The following CAMSAP2 variants were observed in gnomAD, a reference collection of about 807,000 sequenced individuals.
The protein encoded by CAMSAP2 is calmodulin-regulated spectrin-associated protein 2.
Under a neutral mutation model 146.1 loss-of-function variants are expected in CAMSAP2, and 26 were observed. The observed-to-expected ratio is 0.18, with a 90% CI of 0.13 to 0.25. The LOEUF (loss-of-function observed/expected upper bound fraction) is 0.25, where lower values mean the gene tolerates loss of function less well. Ranked by LOEUF, CAMSAP2 falls within the 10% of genes least tolerant of loss-of-function variation. The pLI is 1.00. For synonymous variants in CAMSAP2, 499 were observed against 596.6 expected, an observed-to-expected ratio of 0.84 and a Z score of 2.38; for missense variants, 1,381 against 1,759.3, an observed-to-expected ratio of 0.78 and a Z score of 3.85.
intron 8 of CAMSAP2, among the ~76,000 whole-genome samples, chr1:200,845,754 TCA>T (rs1446539544): frequency 1.3e-5 from 2 of 152,154 alleles, no homozygotes; most frequent in African/African-American, 4.8e-5. Context: ...AGGTACCTTT[TCA>T]CAGTGTGTAC....
At chr1:200,850,341 C>G (rs2102256203) in intron 11 of CAMSAP2, 107 bp downstream of exon 11, 1 of 933,720 alleles carries the variant, frequency 1.1e-6, no homozygotes, top group Middle Eastern at 2.3e-4. Flanking sequence ...GTAGCAGTCC[C>G]TTTTGATACA....
At chr1:200,776,630 A>G (rs1665286803) in intron 2 of CAMSAP2, among the ~76,000 whole-genome samples, 1 of 152,148 alleles carries the variant, frequency 6.6e-6, no homozygotes, top group African/African-American at 2.4e-5. Flanking sequence ...AGACGGAGGC[A>G]GGAGAACCAC....
intron 2 of CAMSAP2, among the ~76,000 whole-genome samples, chr1:200,799,638 A>AT (rs1348479166): frequency 3.3e-5 from 5 of 151,826 alleles, no homozygotes; most frequent in Admixed American, 6.6e-5. Context: ...GGATTCATTG[A>AT]TTTTTTTGAA....
At chr1:200,855,966 T>G in intron 14 of CAMSAP2, 44 bp from the exon 15 acceptor site, 1 of 1,360,882 alleles carries the variant, frequency 7.3e-7, no homozygotes, top group Non-Finnish European at 1.0e-6. Context: ...GGGCCCCATT[T>G]TTTCTCTGTT....
intron 2 of CAMSAP2, among the ~76,000 whole-genome samples, chr1:200,785,518 A>G (rs1665562687): frequency 6.7e-6 from 1 of 149,154 alleles, no homozygotes; most frequent in Non-Finnish European, 1.5e-5. Flanking sequence ...CCTCCGAAGT[A>G]GCTGGGATTA....
intron 2 of CAMSAP2, among the ~76,000 whole-genome samples, chr1:200,780,739 G>GA (rs1253334954): frequency 2.0e-5 from 3 of 152,220 alleles, no homozygotes; most frequent in Admixed American, 2.0e-4. Flanking sequence ...TGTGCTGTTT[G>GA]AGTATCTGCC....
Position 200,852,660 on chromosome 1 carries a change from TAAG to T in CAMSAP2, c.3589_3591del (p.Lys1197del). On this transcript the variant is annotated inframe_deletion, in exon 12 of 17. Coordinates refer to ENST00000358823, the MANE Select transcript of CAMSAP2 (RefSeq NM_203459.4). ...AACAGTTGGAAGCAGAAATGGAGCA[TAAG>T]AAGGAGGAAACAAGGTAAAGGAAAT... The T allele has an allele frequency of 6.2e-7, 1 of 1,613,152 alleles. No individual in the cohort carries two copies. Among genetic ancestry groups the T allele is most frequent in the Non-Finnish European group, 8.5e-7 (1 of 1,179,768 alleles).
chr1:200,777,973 C>A (rs1665327867), intron 2 of CAMSAP2, among the ~76,000 whole-genome samples: 1 of 152,176 alleles, frequency 6.6e-6, no homozygotes, highest in Admixed American at 6.5e-5. Context: ...CACAGTGGCT[C>A]ACACTTATAA....
In CAMSAP2 at chr1:200,816,916, A is replaced by G. The variant is rs536677969; in HGVS notation, c.645+1272A>G. ...TGTGTGTACACACACACGCGTGTGT[A>G]TGTGTGTACACACACACGCGTGTGT... On this transcript the variant is annotated intron_variant, in intron 4 of 16. Coordinates refer to ENST00000358823, the MANE Select transcript of CAMSAP2 (RefSeq NM_203459.4). Among the ~76,000 whole-genome samples, 15 of 77,604 alleles carry G rather than the reference A, an allele frequency of 1.9e-4. 6 individuals carry two copies. The highest frequency in any genetic ancestry group is 3.3e-4 in the Non-Finnish European group (13 of 39,666). The allele number at this position is 77,604 out of a possible 152,430, so 50.9% of individuals were successfully genotyped here.
intron 1 of CAMSAP2, among the ~76,000 whole-genome samples, chr1:200,748,314 C>T (rs1664401772): frequency 6.6e-6 from 1 of 152,202 alleles, no homozygotes; most frequent in Non-Finnish European, 1.5e-5. Flanking sequence ...GTATGTATTT[C>T]TGTAAGTCCA....
chr1:200,855,930 G>C (rs146885077), intron 14 of CAMSAP2, 80 bp from the exon 15 acceptor site: 1 of 920,792 alleles, frequency 1.1e-6, no homozygotes, highest in African/African-American at 1.7e-5. Flanking sequence ...GGTTGATTTT[G>C]ATTGTTACTT....
intron 2 of CAMSAP2, among the ~76,000 whole-genome samples, chr1:200,786,093 A>G (rs771771496): frequency 7.3e-4 from 111 of 152,266 alleles, no homozygotes; most frequent in Non-Finnish European, 1.2e-3. Flanking sequence ...TATCTTTTTA[A>G]TATCTATAGA....
chr1:200,850,385 C>T (rs1667590163), intron 11 of CAMSAP2, 151 bp downstream of exon 11: 2 of 626,112 alleles, frequency 3.2e-6, no homozygotes, highest in South Asian at 2.9e-5. Flanking sequence ...AACATTCAAG[C>T]ACACTGTGGT....
chr1:200,807,553 C>A lies in CAMSAP2; in HGVS notation c.561+16C>A, dbSNP rs1411377640. Reference sequence around the variant, plus strand: ...GATAAATAAGGTAGGATTATACTCACTTGAGTAAATCGCATCTCATAGCCA... The same window carrying A: ...GATAAATAAGGTAGGATTATACTCAATTGAGTAAATCGCATCTCATAGCCA... On this transcript the variant is annotated intron_variant, in intron 3 of 16. Transcript: ENST00000358823. 2.0e-6 allele frequency: 3 copies of A among 1,501,956 alleles called. No homozygotes were observed. Among genetic ancestry groups the A allele is most frequent in the Non-Finnish European group, 1.8e-6 (2 of 1,115,922 alleles). The allele number at this position is 1,501,956 out of a possible 1,614,324, so 93.0% of individuals were successfully genotyped here.
At chr1:200,759,772 G>A (rs1664750336) in intron 1 of CAMSAP2, among the ~76,000 whole-genome samples, 1 of 152,158 alleles carries the variant, frequency 6.6e-6, no homozygotes, top group South Asian at 2.1e-4. Context: ...GCAGCTCCAT[G>A]TTAACCTCTA....
At chr1:200,820,748 GC>G (rs1243681449) in intron 4 of CAMSAP2, among the ~76,000 whole-genome samples, 2 of 152,116 alleles carry the variant, frequency 1.3e-5, no homozygotes, top group African/African-American at 4.8e-5. Flanking sequence ...CCTAGTCTAT[GC>G]CCCTTTAAGA....
intron 2 of CAMSAP2, among the ~76,000 whole-genome samples, chr1:200,794,010 C>T (rs1007468913): frequency 5.3e-5 from 8 of 152,182 alleles, no homozygotes; most frequent in African/African-American, 1.9e-4. Flanking sequence ...TTACCCAAAG[C>T]TTACTTGTAA....
At chr1:200,845,159 C>CT (rs1201204410) in intron 8 of CAMSAP2, among the ~76,000 whole-genome samples, 2 of 152,044 alleles carry the variant, frequency 1.3e-5, no homozygotes, top group Non-Finnish European at 2.9e-5. Flanking sequence ...TGAGAACTGT[C>CT]TAATAGGTAA....
chr1:200,804,289 A>G (rs1666114885), intron 2 of CAMSAP2, among the ~76,000 whole-genome samples: 1 of 152,184 alleles, frequency 6.6e-6, no homozygotes, highest in Admixed American at 6.5e-5. Flanking sequence ...ATGTATATAT[A>G]TAAAACAGTA....
Sources: gnomAD v4.1 joint callset for allele counts (sites outside exome capture counted in the v4.1 genomes callset) on GRCh38, gnomAD v4.1.1 for gene constraint, MANE v1.5 for transcripts, NCBI Gene and HGNC (gene_info 2026-07-23, HGNC 2026-07-21) for gene names.